Variants in XDH observed in about 807,000 individuals in gnomAD.
XDH encodes xanthine dehydrogenase/oxidase.
A neutral mutation model predicts 156.1 loss-of-function variants in XDH; 138 were observed. The ratio of observed to expected loss-of-function variants is 0.88; its 90% CI spans 0.77 to 1.02. The LOEUF is 1.02. XDH is among the 50% of genes least tolerant of loss of function. XDH has a pLI of 0.00. For missense variants in XDH, 1,849 were observed against 1,684.9 expected (o/e 1.10, Z -1.71); for synonymous variants, 669 against 625.7 (o/e 1.07, Z -1.03).
At chr2:31,376,854 G>C (rs773941948) in intron 14 of XDH, among the ~76,000 whole-genome samples, 199 bp downstream of exon 14, 6 of 150,512 alleles carry the variant, frequency 4.0e-5, no homozygotes, top group Non-Finnish European at 5.9e-5. Flanking sequence ...ACTAGTAGTA[G>C]TATCGGTAAT....
At chr2:31,402,030 A>T (rs1687073138) in intron 3 of XDH, among the ~76,000 whole-genome samples, 1 of 152,214 alleles carries the variant, frequency 6.6e-6, no homozygotes, top group South Asian at 2.1e-4. Flanking sequence ...AATCTTGTTA[A>T]AGTAAATTAA....
chr2:31,398,797 G>T, intron 4 of XDH, 98 bp from the exon 5 acceptor site: 1 of 1,581,626 alleles, frequency 6.3e-7, no homozygotes. Flanking sequence ...GAGATAGTGG[G>T]GGTAGTAATC....
At chr2:31,345,859 A>G (rs1685273957) in intron 30 of XDH, among the ~76,000 whole-genome samples, 1 of 152,198 alleles carries the variant, frequency 6.6e-6, no homozygotes, top group Non-Finnish European at 1.5e-5. Flanking sequence ...ATGATAGAAC[A>G]TTGTTGTCGG....
Position 31,339,519 on chromosome 2 carries a change from G to C in XDH, c.3744C>G (p.Cys1248Trp). 1.2e-6 allele frequency: 2 copies of C among 1,614,214 alleles called. No individual in the cohort carries two copies. Among genetic ancestry groups the C allele is most frequent in the Non-Finnish European group, 1.7e-6 (2 of 1,180,052 alleles). The change falls in exon 34 of 36, where the codon TGC (cysteine) becomes TGG (tryptophan). Residue 1248 changes from cysteine to tryptophan, a missense_variant. By Grantham distance (215) the Cys-to-Trp change is radical. Coordinates refer to ENST00000379416, the MANE Select transcript of XDH (RefSeq NM_000379.4). The stretch of plus-strand genomic sequence containing the variant: ...ATGCATAGATGGCCTTCTTGTTGGG[G>C]CAGTCGCGGAGCAGGGACACCCTGA... ...IEFRVSLLRD[C>W]PNKKAIYASK...
chr2:31,387,236 C>A (rs1686635483), intron 8 of XDH, among the ~76,000 whole-genome samples: 1 of 152,112 alleles, frequency 6.6e-6, no homozygotes, highest in Non-Finnish European at 1.5e-5. Flanking sequence ...TTTCATAGCT[C>A]AAAACTCTGA....
intron 9 of XDH, among the ~76,000 whole-genome samples, chr2:31,384,635 A>G (rs1320029860): frequency 6.6e-6 from 1 of 152,162 alleles, no homozygotes; most frequent in African/African-American, 2.4e-5. Context: ...CAGTGTATAG[A>G]TGGAAAAGGT....
Position 31,337,753 on chromosome 2 carries a change from C to G in XDH, c.3839G>C (p.Arg1280Pro). Residue 1280 changes from arginine to proline, a missense_variant, in exon 35 of 36, where the codon CGT becomes CCT. By Grantham distance (103) the Arg-to-Pro change is moderately radical. Coordinates refer to ENST00000379416, the MANE Select transcript of XDH (RefSeq NM_000379.4). ...ACCTGTGTGCTGAGCTCGAGCTGCA[C>G]GGATGGCATCTTTGATGGCAAAGAA... The part of the protein sequence containing the change: ...SIFFAIKDAI[R>P]AARAQHTGNN... The G allele has an allele frequency of 1.2e-6, 2 of 1,614,212 alleles. No homozygotes were observed. The highest frequency in any genetic ancestry group is 1.7e-6 in the Non-Finnish European group (2 of 1,180,046).
intron 4 of XDH, 67 bp downstream of exon 4, chr2:31,401,153 T>C: frequency 1.3e-6 from 2 of 1,575,610 alleles, no homozygotes; most frequent in Non-Finnish European, 1.7e-6. Flanking sequence ...TCTGCAACTT[T>C]GGCATGAGCC....
rs1403351698 is a variant in XDH at position 31,337,829 on chromosome 2, C to G, written c.3775-12G>C. On this transcript the variant is annotated splice_polypyrimidine_tract_variant and intron_variant, in intron 34 of 35. Transcript: ENST00000379416. ...GGCTCTCCAACAGCCTGAACACAGA[C>G]AGGGCACAGGGCAGGGGCTCAGGCA... is the stretch of plus-strand genomic sequence containing the variant. 6.8e-6 allele frequency: 11 copies of G among 1,613,270 alleles called. No homozygotes were observed. The highest frequency in any genetic ancestry group is 3.3e-5 in the South Asian group (3 of 90,944).
chr2:31,403,019 TG>T (rs761863650), intron 3 of XDH, 28 bp downstream of exon 3: 14 of 1,612,956 alleles, frequency 8.7e-6, no homozygotes, highest in Non-Finnish European at 1.2e-5. Flanking sequence ...AGCCCCCATG[TG>T]GGTGGTCAGC....
In XDH at chr2:31,339,646, A is replaced by G; in HGVS notation, c.3617T>C (p.Leu1206Pro). Reference protein sequence around the residue: ...VEGAFVQGLGLFTLEELHYSP... With the variant: ...VEGAFVQGLGPFTLEELHYSP... Reference sequence around the variant, plus strand: ...ATAGTGTAGCTCCTCTAGGGTGAAGAGGCCAAGGCCCTGGACAAATGCCCC... The same window carrying G: ...ATAGTGTAGCTCCTCTAGGGTGAAGGGGCCAAGGCCCTGGACAAATGCCCC... The change falls in exon 34 of 36, where the codon CTC becomes CCC. Residue 1206 changes from leucine to proline, a missense_variant. Physicochemically the swap from Leu to Pro is moderately conservative, Grantham distance 98. Transcript: ENST00000379416. 6.2e-7 allele frequency: 1 copy of G among 1,614,168 alleles called. No individual in the cohort carries two copies. The highest frequency in any genetic ancestry group is 8.5e-7 in the Non-Finnish European group (1 of 1,180,032).
intron 24 of XDH, among the ~76,000 whole-genome samples, chr2:31,351,706 C>T (rs1487539349): frequency 1.3e-5 from 2 of 152,218 alleles, no homozygotes; most frequent in Non-Finnish European, 2.9e-5. Flanking sequence ...ACATCTTTGA[C>T]ACCTTGCATG....
chr2:31,349,350 A>G (rs531904635), intron 26 of XDH, among the ~76,000 whole-genome samples: 1 of 152,306 alleles, frequency 6.6e-6, no homozygotes, highest in South Asian at 2.1e-4. Flanking sequence ...GGACTCCCAA[A>G]TTCATATTTA....
intron 22 of XDH, 112 bp from the exon 23 acceptor site, chr2:31,365,656 C>T: frequency 1.6e-6 from 2 of 1,252,306 alleles, no homozygotes; most frequent in Non-Finnish European, 2.3e-6. Context: ...GCACGCTGAG[C>T]AGACCTGTAC....
intron 24 of XDH, among the ~76,000 whole-genome samples, chr2:31,361,910 A>T (rs1407111860): frequency 1.3e-5 from 2 of 152,196 alleles, no homozygotes; most frequent in Non-Finnish European, 2.9e-5. Context: ...GATCTTTCAG[A>T]TTAATCTTTC....
intron 23 of XDH, among the ~76,000 whole-genome samples, chr2:31,364,630 T>G (rs1685861394): frequency 6.6e-6 from 1 of 151,970 alleles, no homozygotes. Context: ...CCTCACAGAT[T>G]TTGGTCAGAA....
intron 10 of XDH, 38 bp downstream of exon 10, chr2:31,383,717 A>G: frequency 6.3e-7 from 1 of 1,596,720 alleles, no homozygotes. Flanking sequence ...CCCCAGCCTC[A>G]CAGCCCCTCC....
intron 31 of XDH, among the ~76,000 whole-genome samples, chr2:31,343,254 C>T (rs2148751116): frequency 8.0e-6 from 1 of 125,266 alleles, no homozygotes; most frequent in East Asian, 2.5e-4. Context: ...ATATTAAAAA[C>T]CTAGAAAGCA....
At chr2:31,339,752 C>T in intron 33 of XDH, 75 bp from the exon 34 acceptor site, 4 of 1,570,776 alleles carry the variant, frequency 2.5e-6, no homozygotes, top group Non-Finnish European at 3.5e-6. Context: ...CCACAATGGA[C>T]ACAAAGCGCC....
Sources: allele counts gnomAD v4.1 joint callset (sites outside exome capture counted in the v4.1 genomes callset), GRCh38; gene constraint gnomAD v4.1.1; transcripts MANE v1.5; gene names NCBI Gene and HGNC (gene_info 2026-07-23, HGNC 2026-07-21).